CADM2: variants seen among roughly 807,000 people sequenced by gnomAD.
The protein encoded by CADM2 is cell adhesion molecule 2.
Under a neutral mutation model 49.8 loss-of-function variants are expected in CADM2, and 12 were observed. The ratio of observed to expected loss-of-function variants is 0.24; its 90% CI spans 0.15 to 0.39. The LOEUF (loss-of-function observed/expected upper bound fraction) is 0.39, where lower values mean the gene tolerates loss of function less well. CADM2 is among the 10% of genes least tolerant of loss of function. CADM2 has a pLI of 1.00. For synonymous variants in CADM2, 214 were observed against 175.4 expected (o/e 1.22, Z -1.74); for missense variants, 378 against 492.3 (o/e 0.77, Z 2.20).
At chr3:85,286,279 T>C (rs2043630664) in intron 1 of CADM2, among the ~76,000 whole-genome samples, 1 of 152,158 alleles carries the variant, frequency 6.6e-6, no homozygotes, top group Admixed American at 6.6e-5. Flanking sequence ...TTAGTTCCTA[T>C]TTTATTTCAA....
At chr3:85,481,182 C>A (rs939648449) in intron 1 of CADM2, among the ~76,000 whole-genome samples, 1 of 149,438 alleles carries the variant, frequency 6.7e-6, no homozygotes, top group Non-Finnish European at 1.5e-5. Context: ...TTTGAAATGA[C>A]CATTATACAC....
intron 2 of CADM2, among the ~76,000 whole-genome samples, chr3:85,743,446 C>T (rs142854366): frequency 7.9e-5 from 12 of 152,260 alleles, no homozygotes; most frequent in Non-Finnish European, 1.3e-4. Context: ...TTGTCTCTAT[C>T]GCTTTAAAGC....
intron 1 of CADM2, among the ~76,000 whole-genome samples, chr3:85,132,627 T>A (rs201660539): frequency 0.033 from 4,602 of 139,354 alleles, 98 homozygotes; most frequent in East Asian, 0.05. Context: ...AAGGATATAT[T>A]ATATATATAT....
chr3:85,229,560 C>A (rs1345065350), intron 1 of CADM2, among the ~76,000 whole-genome samples: 1 of 152,110 alleles, frequency 6.6e-6, no homozygotes, highest in Non-Finnish European at 1.5e-5. Flanking sequence ...AGCTGCAGAC[C>A]AGAGCTGATC....
chr3:85,212,868 T>TCTCTCTCTCTCTCTCTC (rs1194802348), intron 1 of CADM2, among the ~76,000 whole-genome samples: 2 of 97,910 alleles, frequency 2.0e-5, no homozygotes, highest in Non-Finnish European at 4.7e-5. Context: ...CTTTCTTTCT[T>TCTCTCTCTCTCTCTCTC]TCTTTCTTTC....
At chr3:85,652,767 C>CTTTTATTTTT in intron 1 of CADM2, among the ~76,000 whole-genome samples, 1 of 56,440 alleles carries the variant, frequency 1.8e-5, no homozygotes, top group East Asian at 5.3e-4. Flanking sequence ...ATCTTTTTTT[C>CTTTTATTTTT]TTTTCTTTTT....
chr3:85,470,602 T>C (rs932506367), intron 1 of CADM2, among the ~76,000 whole-genome samples: 1 of 152,128 alleles, frequency 6.6e-6, no homozygotes, highest in Non-Finnish European at 1.5e-5. Context: ...TTTGGATAGA[T>C]AAAATAAAAT....
intron 1 of CADM2, among the ~76,000 whole-genome samples, chr3:85,063,784 A>G (rs1261961203): frequency 6.6e-6 from 1 of 152,074 alleles, no homozygotes; most frequent in Non-Finnish European, 1.5e-5. Context: ...CACCTTGACA[A>G]GCAGAATGTC....
chr3:85,966,584 A>G lies in CADM2; in HGVS notation c.970+4937A>G, dbSNP rs972529564. ...CACAGATTTCGTTTTCTTTACATGT[A>G]TGTATTTTGCTTTTCTAGCAAATTT... On this transcript the variant is annotated intron_variant, in intron 8 of 9. Transcript: ENST00000383699. Among the ~76,000 whole-genome samples the G allele has an allele frequency of 8.8e-4, 134 of 151,728 alleles. 3 individuals are homozygous for G. The Admixed American group carries it at 8.8e-3, about 10-fold the overall frequency.
At chr3:85,552,099 TAAAC>T (rs1176816548) in intron 1 of CADM2, among the ~76,000 whole-genome samples, 3 of 152,134 alleles carry the variant, frequency 2.0e-5, no homozygotes, top group Non-Finnish European at 4.4e-5. Context: ...CCTGGCTAAA[TAAAC>T]GTCATTTCTG....
At chr3:85,091,304 A>G (rs182590655) in intron 1 of CADM2, among the ~76,000 whole-genome samples, 424 of 152,304 alleles carry the variant, frequency 2.8e-3, no homozygotes, top group South Asian at 9.3e-3. Context: ...TAAATGATCT[A>G]GTTATGCGTA....
intron 1 of CADM2, among the ~76,000 whole-genome samples, chr3:85,029,909 G>A (rs1017892359): frequency 6.6e-6 from 1 of 152,194 alleles, no homozygotes; most frequent in Non-Finnish European, 1.5e-5. Context: ...TGGAAGGGCT[G>A]ATGTTTTAAT....
intron 1 of CADM2, among the ~76,000 whole-genome samples, chr3:85,360,845 G>T (rs1338319662): frequency 5.9e-5 from 9 of 152,048 alleles, no homozygotes; most frequent in African/African-American, 1.7e-4. Flanking sequence ...TGTATCTATT[G>T]TAGGTCTCAC....
chr3:85,617,362 C>T (rs1320744622), intron 1 of CADM2, among the ~76,000 whole-genome samples: 2 of 152,204 alleles, frequency 1.3e-5, no homozygotes, highest in South Asian at 2.1e-4. Flanking sequence ...TATTTTAAAG[C>T]ATACAAATAA....
At chr3:85,907,548 G>A (rs1439075787) in intron 5 of CADM2, among the ~76,000 whole-genome samples, 1 of 152,112 alleles carries the variant, frequency 6.6e-6, no homozygotes, top group East Asian at 1.9e-4. Flanking sequence ...AAAAAGAACT[G>A]GCCTACTCTA....
chr3:85,906,742 A>T (rs532574423), intron 5 of CADM2, among the ~76,000 whole-genome samples: 3 of 152,350 alleles, frequency 2.0e-5, no homozygotes, highest in Non-Finnish European at 2.9e-5. Context: ...CTTTAAAGTT[A>T]TACAATGTAA....
chr3:85,205,261 C>T (rs2041605309), intron 1 of CADM2, among the ~76,000 whole-genome samples: 1 of 152,084 alleles, frequency 6.6e-6, no homozygotes, highest in African/African-American at 2.4e-5. Context: ...GAGCTCAAGC[C>T]ATTCCACCAC....
chr3:86,053,182 G>T (rs1467172963), intron 8 of CADM2, among the ~76,000 whole-genome samples: 1 of 152,068 alleles, frequency 6.6e-6, no homozygotes, highest in African/African-American at 2.4e-5. Flanking sequence ...AAAATTAAGT[G>T]ACATTCTAAG....
At chr3:85,708,352 A>G (rs1193015720) in intron 1 of CADM2, among the ~76,000 whole-genome samples, 1 of 152,166 alleles carries the variant, frequency 6.6e-6, no homozygotes, top group African/African-American at 2.4e-5. Flanking sequence ...TCAAATGAAG[A>G]GTACAGCAGT....
Sources: gnomAD v4.1 joint callset for allele counts (sites outside exome capture counted in the v4.1 genomes callset) on GRCh38, gnomAD v4.1.1 for gene constraint, MANE v1.5 for transcripts, NCBI Gene and HGNC (gene_info 2026-07-23, HGNC 2026-07-21) for gene names.